NTAQ1: variants seen among roughly 807,000 people sequenced by gnomAD.
The protein encoded by NTAQ1 is N-terminal glutamine amidase 1, also known as protein N-terminal glutamine amidohydrolase.
In NTAQ1, 21 loss-of-function variants were observed where a neutral mutation model predicts 28.2. The ratio of observed to expected loss-of-function variants is 0.74; its 90% CI spans 0.53 to 1.07. The LOEUF is 1.07. NTAQ1 is among the 50% of genes least tolerant of loss of function. The probability of loss-of-function intolerance (pLI) is 0.00; values close to 1 mark genes in which losing one functional copy is unlikely to be tolerated. For missense variants in NTAQ1, 264 were observed against 256.6 expected (o/e 1.03, Z -0.20); for synonymous variants, 105 against 90.0 (o/e 1.17, Z -0.94).
At chr8:123,431,289 G>C (rs1814372344) in intron 3 of NTAQ1, among the ~76,000 whole-genome samples, 1 of 149,464 alleles carries the variant, frequency 6.7e-6, no homozygotes, top group Non-Finnish European at 1.5e-5. Context: ...GTGAGCTGAG[G>C]TGACGCCATT....
chr8:123,458,566 G>A (rs1411266115), intron 6 of NTAQ1, among the ~76,000 whole-genome samples: 3 of 151,856 alleles, frequency 2.0e-5, no homozygotes, highest in South Asian at 2.1e-4. Context: ...GAGCTCATGC[G>A]AAGAGAGAAA....
chr8:123,430,021 A>G lies in NTAQ1; in HGVS notation c.222A>G (p.Gly74=). 6.2e-7 allele frequency: 1 copy of G among 1,613,142 alleles called. No individual in the cohort carries two copies. Among genetic ancestry groups the G allele is most frequent in the South Asian group, 1.1e-5 (1 of 90,958 alleles). ...AACAACAGGCGAGACCTGGAGATGG[A>G]CCTGTGATCTGGGTAAGACAGTTAA... ...IWKQQARPGD[G]PVIWDYHVVL... Residue 74 remains glycine (G), a synonymous_variant, in exon 3 of 6, where the codon GGA becomes GGG. Coordinates refer to ENST00000287387, the MANE Select transcript of NTAQ1 (RefSeq NM_018024.3).
chr8:123,424,326 G>A (rs1052598834), intron 1 of NTAQ1, among the ~76,000 whole-genome samples: 3 of 151,180 alleles, frequency 2.0e-5, no homozygotes, highest in African/African-American at 7.3e-5. Context: ...TGCTGCAACC[G>A]CCGCCTCCCA....
exon 7 of NTAQ1, among the ~76,000 whole-genome samples, chr8:123,469,273 GTCATACCAAGAAA>G (rs1179916357): frequency 6.6e-6 from 1 of 152,116 alleles, no homozygotes. Flanking sequence ...TGCATTTAGT[GTCATACCAAGAAA>G]TCATTGGAAA....
chr8:123,473,609 C>T (rs540000910), downstream of NTAQ1, among the ~76,000 whole-genome samples: 1 of 152,290 alleles, frequency 6.6e-6, no homozygotes, highest in East Asian at 1.9e-4. Context: ...TGAATTTCTA[C>T]ATTGTTGACA....
At chr8:123,442,508 T>C (rs536101565), downstream of NTAQ1, among the ~76,000 whole-genome samples, 3 of 150,484 alleles carry the variant, frequency 2.0e-5, no homozygotes, top group East Asian at 5.9e-4. Flanking sequence ...TGAGGCAGAA[T>C]TGCTTGAACC....
intron 5 of NTAQ1, among the ~76,000 whole-genome samples, chr8:123,439,124 G>A (rs1441517577): frequency 6.6e-6 from 1 of 151,822 alleles, no homozygotes; most frequent in African/African-American, 2.4e-5. Context: ...TTTTGTGCTG[G>A]GCTTTTGCCA....
chr8:123,431,066 G>A (rs6987441), intron 3 of NTAQ1, among the ~76,000 whole-genome samples: 55,131 of 151,964 alleles, frequency 0.36, 10,117 homozygotes, highest in East Asian at 0.56. Flanking sequence ...GGTTGGGCAC[G>A]GTGGCTCATG....
intron 1 of NTAQ1, among the ~76,000 whole-genome samples, chr8:123,427,164 A>T (rs574129217): frequency 1.2e-4 from 18 of 147,950 alleles, no homozygotes; most frequent in South Asian, 1.1e-3. Flanking sequence ...GTTAACTAAG[A>T]TTTTTGTGTG....
chr8:123,419,299 A>C (rs1011518634), intron 1 of NTAQ1, among the ~76,000 whole-genome samples: 1 of 152,022 alleles, frequency 6.6e-6, no homozygotes, highest in Admixed American at 6.6e-5. Flanking sequence ...GGGTTTCACC[A>C]CATTGGCTGG....
chr8:123,436,033 G>A (rs571554004), intron 3 of NTAQ1, among the ~76,000 whole-genome samples: 7 of 151,484 alleles, frequency 4.6e-5, no homozygotes, highest in South Asian at 2.1e-4. Flanking sequence ...GCTGGGCATC[G>A]TGGTGCGCGC....
chr8:123,469,105 A>G (rs926547060), exon 7 of NTAQ1, among the ~76,000 whole-genome samples: 2 of 152,130 alleles, frequency 1.3e-5, no homozygotes, highest in African/African-American at 4.8e-5. Flanking sequence ...AATTCTTTAT[A>G]TATTCTAGAT....
rs996991869 is a variant in NTAQ1 at position 123,468,450 on chromosome 8, C to T, written c.*1300C>T. 2.6e-4 allele frequency among the ~76,000 whole-genome samples: 40 copies of T among 152,132 alleles called. 1 individual carries two copies. Among genetic ancestry groups the T allele is most frequent in the Admixed American group, 1.4e-3 (22 of 15,272 alleles). Reference sequence around the variant, plus strand: ...TTAACTACTTTAGATACCTCGTATACGTGGAATCATAAAGCATTTATCTGC... The same window carrying T: ...TTAACTACTTTAGATACCTCGTATATGTGGAATCATAAAGCATTTATCTGC... On this transcript the variant is annotated 3_prime_UTR_variant, in exon 7 of 7. Transcript: ENST00000650311.
chr8:123,430,109 C>A, intron 3 of NTAQ1, 76 bp downstream of exon 3: 2 of 1,120,442 alleles, frequency 1.8e-6, no homozygotes, highest in Non-Finnish European at 2.6e-6. Flanking sequence ...TTTGGTAAAG[C>A]AGAAGTGACC....
chr8:123,456,061 G>A (rs964986932), intron 6 of NTAQ1, among the ~76,000 whole-genome samples: 6 of 152,070 alleles, frequency 3.9e-5, no homozygotes, highest in Non-Finnish European at 7.3e-5. Flanking sequence ...ATCTTTTTAG[G>A]TCTGATCCTT....
At chr8:123,465,957 G>A (rs1815952162) in intron 6 of NTAQ1, among the ~76,000 whole-genome samples, 1 of 152,106 alleles carries the variant, frequency 6.6e-6, no homozygotes, top group African/African-American at 2.4e-5. Context: ...ACTTAGAGTT[G>A]TATTCTGTTG....
chr8:123,419,081 GTTTTTTT>G (rs762479894), intron 1 of NTAQ1, among the ~76,000 whole-genome samples: 2 of 119,920 alleles, frequency 1.7e-5, no homozygotes, highest in African/African-American at 3.4e-5. Context: ...AGCTTTGGGG[GTTTTTTT>G]TTTTTTTTTT....
intron 5 of NTAQ1, among the ~76,000 whole-genome samples, chr8:123,440,579 A>C (rs1586953194): frequency 1.4e-5 from 2 of 144,520 alleles, no homozygotes; most frequent in African/African-American, 5.2e-5. Context: ...GGCTCATTAC[A>C]CCCTCCAACT....
chr8:123,422,606 G>GTTT (rs112284256), intron 1 of NTAQ1, among the ~76,000 whole-genome samples: 1,773 of 134,356 alleles, frequency 0.013, 52 homozygotes, highest in African/African-American at 0.047. Flanking sequence ...TCCATTGATA[G>GTTT]TTTTTTTTTT....
Sources: gnomAD v4.1 joint callset for allele counts (sites outside exome capture counted in the v4.1 genomes callset) on GRCh38, gnomAD v4.1.1 for gene constraint, MANE v1.5 for transcripts, NCBI Gene and HGNC (gene_info 2026-07-23, HGNC 2026-07-21) for gene names.